LGI1: variants seen among roughly 807,000 people sequenced by gnomAD.
The protein encoded by LGI1 is leucine rich glioma inactivated 1.
A neutral mutation model predicts 57.7 loss-of-function variants in LGI1; 11 were observed. The observed-to-expected ratio is 0.19, with a 90% CI of 0.12 to 0.32. LGI1 has a LOEUF of 0.32. LGI1 is among the 10% of genes least tolerant of loss of function. The pLI, the probability that LGI1 is intolerant of heterozygous loss-of-function variation, is 1.00. For synonymous variants in LGI1, 222 were observed against 241.9 expected (o/e 0.92, Z 0.76); for missense variants, 422 against 661.9 (o/e 0.64, Z 3.98).
chr10:93,793,523 G>A (rs1416152135), intron 7 of LGI1, among the ~76,000 whole-genome samples, 173 bp downstream of exon 7: 3 of 152,152 alleles, frequency 2.0e-5, no homozygotes, highest in Admixed American at 6.5e-5. Flanking sequence ...TGTAAAACGG[G>A]AATAATATTA....
At chr10:93,790,323 A>G (rs2059925965) in intron 5 of LGI1, 153 bp downstream of exon 5, 1 of 666,512 alleles carries the variant, frequency 1.5e-6, no homozygotes, top group Non-Finnish European at 2.5e-6. Context: ...TTAAATTTAC[A>G]TGGACTAACA....
chr10:93,777,671 T>G, intron 4 of LGI1, 54 bp downstream of exon 4: 1 of 1,400,258 alleles, frequency 7.1e-7, no homozygotes, highest in East Asian at 2.3e-5. Context: ...CAATGCAGTT[T>G]GATCACCTGT....
Position 93,786,873 on chromosome 10 carries a change from C to T in LGI1, c.432-3226C>T, listed in dbSNP as rs371425071. 9.8e-5 allele frequency among the ~76,000 whole-genome samples: 15 copies of T among 152,296 alleles called. No individual in the cohort carries two copies. The East Asian group carries it at 1.5e-3, about 16-fold the overall frequency. On this transcript the variant is annotated intron_variant, in intron 4 of 7. Coordinates refer to ENST00000371418, the MANE Select transcript of LGI1 (RefSeq NM_005097.4). ...CCTCCCAAAGTGCTGGGATTACGGG[C>T]GTGAGCCACCATGCCCTGGCAACCT...
At chr10:93,771,562 G>A (rs1013861498) in intron 2 of LGI1, 4 of 152,136 alleles carry the variant, frequency 2.6e-5, no homozygotes, top group Admixed American at 6.6e-5. Context: ...AATACTTAAC[G>A]AGTGCATTGC....
intron 4 of LGI1, among the ~76,000 whole-genome samples, chr10:93,783,983 G>A (rs2059873696): frequency 6.6e-6 from 1 of 152,156 alleles, no homozygotes; most frequent in Non-Finnish European, 1.5e-5. Context: ...CTGCATTCCA[G>A]CCTGGGTGAC....
In LGI1 at chr10:93,771,112, C is replaced by T. The variant is rs1401316196; in HGVS notation, c.288-6267C>T. On this transcript the variant is annotated intron_variant, in intron 2 of 7. Transcript: ENST00000371418. ...AAATGCCAAAAAAAAATGTGCCAGA[C>T]ATTTGAAGGATATCACATACTCAAA... is the stretch of plus-strand genomic sequence containing the variant. The T allele has an allele frequency of 7.9e-5, 12 of 152,172 alleles. No individual in the cohort carries two copies. The South Asian group carries it at 2.3e-3, about 29-fold the overall frequency. 9.4% of individuals were successfully genotyped at this position (152,172 alleles called of 1,614,324 possible).
chr10:93,772,808 C>T (rs1474205323), intron 2 of LGI1: 1 of 152,016 alleles, frequency 6.6e-6, no homozygotes, highest in African/African-American at 2.4e-5. Context: ...GGTACGGTGG[C>T]TCATGCCTGT....
intron 2 of LGI1, chr10:93,762,416 G>T (rs573274851): frequency 6.6e-6 from 1 of 152,186 alleles, no homozygotes; most frequent in African/African-American, 2.4e-5. Flanking sequence ...CCTTACTAAG[G>T]CTTTATCATT....
chr10:93,771,848 GC>G (rs2133993344), intron 2 of LGI1: 1 of 152,194 alleles, frequency 6.6e-6, no homozygotes, highest in South Asian at 2.1e-4. Flanking sequence ...AGTGGCACAT[GC>G]CTGTAATCCC....
At chr10:93,796,662 T>C (rs1028791654) in intron 7 of LGI1, among the ~76,000 whole-genome samples, 10 of 152,368 alleles carry the variant, frequency 6.6e-5, no homozygotes, top group African/African-American at 1.9e-4. Flanking sequence ...GGGAAACTAA[T>C]GCTTTCTTTC....
Position 93,797,080 on chromosome 10 carries a change from A to G in LGI1, c.951A>G (p.Lys317=), listed in dbSNP as rs1470270020. 1 of 1,613,204 alleles carries G rather than the reference A, an allele frequency of 6.2e-7. No homozygotes were observed. Among genetic ancestry groups the G allele is most frequent in the South Asian group, 1.1e-5 (1 of 90,990 alleles). ...HIYKRDSFAN[K]FIKIQDIEIL... The stretch of plus-strand genomic sequence containing the variant: ...ATAAGCGAGACAGTTTTGCAAATAA[A>G]TTCATAAAAATCCAGGATATTGAAA... The change falls in exon 8 of 8, where the codon AAA becomes AAG. Residue 317 remains lysine, a synonymous_variant. Coordinates refer to ENST00000371418, the MANE Select transcript of LGI1 (RefSeq NM_005097.4). The surrounding 1 kb of genome is among the most constrained non-coding windows in gnomAD (Gnocchi z 6.5).
chr10:93,775,240 T>C (rs1589760450), intron 2 of LGI1, among the ~76,000 whole-genome samples: 1 of 152,186 alleles, frequency 6.6e-6, no homozygotes, highest in East Asian at 1.9e-4. Context: ...AATTACTCCT[T>C]GCCTCCAAGG....
Position 93,758,434 on chromosome 10 carries a change from T to A in LGI1, c.215+75T>A, listed in dbSNP as rs1564836910. On this transcript the variant is annotated intron_variant, in intron 1 of 7. Transcript: ENST00000371418. This position sits in a 1 kb window ranked among gnomAD's most constrained non-coding sequence, Gnocchi z 4.7. ...GCCGGTGGATTTGGGGCTTTGCATGTATTTGTAGAAGGGCATGGAGAGAGA... is the reference window on the plus strand; with the variant it reads ...GCCGGTGGATTTGGGGCTTTGCATGAATTTGTAGAAGGGCATGGAGAGAGA... 8 of 1,391,164 alleles carry A rather than the reference T, an allele frequency of 5.8e-6. No homozygotes were observed. Among genetic ancestry groups the A allele is most frequent in the Non-Finnish European group, 8.1e-6 (8 of 982,538 alleles). The allele number at this position is 1,391,164 out of a possible 1,614,324, so 86.2% of individuals were successfully genotyped here.
chr10:93,796,066 T>C (rs1398831646), intron 7 of LGI1, among the ~76,000 whole-genome samples: 3 of 152,238 alleles, frequency 2.0e-5, no homozygotes, highest in Non-Finnish European at 4.4e-5. Context: ...TGTCAAACTC[T>C]TCCCCAAAGG....
chr10:93,793,121 A>G, intron 6 of LGI1, 65 bp from the exon 7 acceptor site: 1 of 1,379,608 alleles, frequency 7.2e-7, no homozygotes, highest in Non-Finnish European at 1.0e-6. Flanking sequence ...TCTTGTGAAT[A>G]TTTAAGATCT....
intron 2 of LGI1, chr10:93,759,248 A>G (rs906087838): frequency 2.2e-5 from 4 of 179,428 alleles, no homozygotes; most frequent in East Asian, 3.2e-4. Context: ...GCTACTCTGT[A>G]TGATTTACCA....
At chr10:93,779,121 T>C (rs1306901450) in intron 4 of LGI1, 1 of 152,074 alleles carries the variant, frequency 6.6e-6, no homozygotes, top group Non-Finnish European at 1.5e-5. Flanking sequence ...CCAAACCTCA[T>C]TTTTCAGACA....
intron 2 of LGI1, among the ~76,000 whole-genome samples, chr10:93,760,651 C>G (rs1406279762): frequency 6.6e-6 from 1 of 152,170 alleles, no homozygotes; most frequent in African/African-American, 2.4e-5. Context: ...CCAGTCACGG[C>G]AAGCACAGAT....
Position 93,797,600 on chromosome 10 carries a change from A to G in LGI1, c.1471A>G (p.Ile491Val), listed in dbSNP as rs756891254. ...PLQINNYQYA[I>V]LGSDYSFTQV... ...TCAAATAAATAATTACCAATATGCA[A>G]TTCTTGGAAGTGATTACTCCTTTAC... Residue 491 changes from isoleucine (I) to valine (V), a missense_variant, in exon 8 of 8, where the codon ATT becomes GTT. Physicochemically the swap from Ile to Val is conservative, Grantham distance 29. Around this residue, in one of 3 missense-constraint regions of LGI1, gnomAD observed 301 missense variants for 461.7 expected, o/e 0.65. Transcript: ENST00000371418. The surrounding 1 kb of genome is among the most constrained non-coding windows in gnomAD (Gnocchi z 6.5). The G allele has an allele frequency of 3.0e-5, 49 of 1,614,036 alleles. No homozygotes were observed. The Admixed American group carries it at 7.7e-4, about 25-fold the overall frequency.
Sources: gnomAD v4.1 joint callset for allele counts (sites outside exome capture counted in the v4.1 genomes callset) on GRCh38, gnomAD v4.1.1 for gene constraint, gnomAD v4.1.1 regional missense constraint, Gnocchi (gnomAD v3.1) non-coding constraint, MANE v1.5 for transcripts, NCBI Gene and HGNC (gene_info 2026-07-23, HGNC 2026-07-21) for gene names.